ZNF236: variants seen among roughly 807,000 people sequenced by gnomAD.
The protein encoded by ZNF236 is zinc finger protein 236, also known as regulated by glucose.
Under a neutral mutation model 191.2 loss-of-function variants are expected in ZNF236, and 50 were observed. The observed-to-expected ratio is 0.26, with a 90% confidence interval of 0.21 to 0.33. The LOEUF is 0.33. ZNF236 is among the 10% of genes least tolerant of loss of function. The pLI is 1.00. For synonymous variants in ZNF236, 907 were observed against 928.8 expected (o/e 0.98, Z 0.43); for missense variants, 1,754 against 2,374.5 (o/e 0.74, Z 5.43).
chr18:76,907,640 T>G (rs1027716002), intron 13 of ZNF236, among the ~76,000 whole-genome samples: 5 of 152,094 alleles, frequency 3.3e-5, no homozygotes, highest in African/African-American at 1.2e-4. Flanking sequence ...CTCTTTGTCT[T>G]AGATATTCTT....
chr18:76,824,555 A>G, intron 1 of ZNF236: 1 of 718,414 alleles, frequency 1.4e-6, no homozygotes, highest in South Asian at 1.5e-5. Context: ...TTTTGTTAGT[A>G]TGCCATCTGC....
At chr18:76,888,973 C>T (rs182157032) in intron 9 of ZNF236, among the ~76,000 whole-genome samples, 16 of 152,300 alleles carry the variant, frequency 1.1e-4, no homozygotes, top group Admixed American at 9.8e-4. Flanking sequence ...GAAGAGAACA[C>T]GTCTAGGCTT....
At position 76,877,476 on chromosome 18, in the gene ZNF236, C is replaced by T. The variant is rs147627565; in HGVS notation, c.841-533C>T. Among the ~76,000 whole-genome samples, 1,199 of 151,218 alleles carry T rather than the reference C, an allele frequency of 7.9e-3. 12 individuals carry two copies. The highest frequency in any genetic ancestry group is 0.027 in the African/African-American group (1,121 of 41,184). ...GAGCCGAGATCACGCTGTTGCACTC[C>T]AGCCTGGGCAACAGAGCATCTCAAA... On this transcript the variant is annotated intron_variant, in intron 6 of 30. Coordinates refer to ENST00000320610, the MANE Select transcript of ZNF236 (RefSeq NM_001306089.2).
rs867263351 is a variant in ZNF236, at chr18:76,898,953, G to A, written c.1691-66G>A. 7 of 1,335,006 alleles carry A rather than the reference G, an allele frequency of 5.2e-6. No individual in the cohort carries two copies. In the Middle Eastern group the frequency reaches 9.4e-4, roughly 179 times the overall value. The allele number at this position is 1,335,006 out of a possible 1,614,324, so 82.7% of individuals were successfully genotyped here. A position where few individuals can be genotyped will look rare whatever the true frequency, so the allele number is the denominator to read the frequency against. ...AGTATTGGAAATAATAACATTTTAT[G>A]TTAGCATTTGCTGTTGAGATGTAAT... is the stretch of plus-strand genomic sequence containing the variant. On this transcript the variant is annotated intron_variant, in intron 10 of 30. Coordinates refer to ENST00000320610, the MANE Select transcript of ZNF236 (RefSeq NM_001306089.2).
At position 76,868,696 on chromosome 18, in the gene ZNF236, T is replaced by C. The variant is rs747140051; in HGVS notation, c.375T>C (p.Cys125=). The C allele has an allele frequency of 6.2e-7, 1 of 1,610,294 alleles. No individual in the cohort carries two copies. ...GTTTTCTCTTCCAGAATCTCATCTG[T>C]TCTGAGTGTGGGGATGAGTTTACTC... ...MLHEKEENLI[C]SECGDEFTLQ... The change falls in exon 4 of 31, where the codon TGT becomes TGC. Residue 125 remains cysteine, a synonymous_variant. Coordinates refer to ENST00000320610, the MANE Select transcript of ZNF236 (RefSeq NM_001306089.2).
chr18:76,953,800 C>T (rs7241370), intron 27 of ZNF236, among the ~76,000 whole-genome samples: 18,212 of 152,146 alleles, frequency 0.12, 2,256 homozygotes, highest in African/African-American at 0.32. Flanking sequence ...CTGCCAGTGC[C>T]GGCCGCTGGA....
intron 1 of ZNF236, chr18:76,849,156 C>T (rs985361125): frequency 6.2e-5 from 10 of 162,406 alleles, no homozygotes; most frequent in Non-Finnish European, 1.2e-4. Context: ...AGGTGAAATG[C>T]GTCAGTGGTT....
At chr18:76,949,045 T>C (rs1472122134) in intron 27 of ZNF236, among the ~76,000 whole-genome samples, 2 of 152,152 alleles carry the variant, frequency 1.3e-5, no homozygotes, top group African/African-American at 2.4e-5. Context: ...TCAGGCCTGG[T>C]GAGGTAACTG....
intron 27 of ZNF236, 41 bp from the exon 28 acceptor site, chr18:76,955,944 A>G (rs1416083892): frequency 6.3e-7 from 1 of 1,580,700 alleles, no homozygotes; most frequent in Non-Finnish European, 8.6e-7. Context: ...GCACAAATCA[A>G]GCCAAGTGAG....
At chr18:76,936,151 C>T (rs1436951537) in intron 25 of ZNF236, 3 of 451,460 alleles carry the variant, frequency 6.6e-6, no homozygotes, top group Non-Finnish European at 1.3e-5. Context: ...CTGACAGGCG[C>T]GTGTTTCTTT....
rs549914540 is a variant in ZNF236 at position 76,868,170 on chromosome 18, G to A, written c.364-515G>A. ...GCTTCAGAGGGTCCCTGGTTCACAC[G>A]CTCAGTCAGCCGGGCCACAGCCTGC... On this transcript the variant is annotated intron_variant, in intron 3 of 30. Coordinates refer to ENST00000320610, the MANE Select transcript of ZNF236 (RefSeq NM_001306089.2). Among the ~76,000 whole-genome samples the A allele has an allele frequency of 2.6e-5, 4 of 152,218 alleles. No homozygotes were observed. In the East Asian group the frequency reaches 5.8e-4, roughly 22 times the overall value.
At chr18:76,956,460 G>A (rs971817002) in intron 28 of ZNF236, among the ~76,000 whole-genome samples, 2 of 152,318 alleles carry the variant, frequency 1.3e-5, no homozygotes, top group Admixed American at 6.5e-5. Flanking sequence ...TGGCAAAAAT[G>A]TAAAAGTCTG....
intron 3 of ZNF236, among the ~76,000 whole-genome samples, chr18:76,859,258 G>GCAGGTGGAGGAGGAAGGGGGAGAGGACT: frequency 6.6e-6 from 1 of 150,984 alleles, no homozygotes; most frequent in Non-Finnish European, 1.5e-5. Flanking sequence ...GGAGGCGGGT[G>GCAGGTGGAGGAGGAAGGGGGAGAGGACT]CAGGTGGAGG....
Position 76,881,453 on chromosome 18 carries a change from C to T in ZNF236, c.1358C>T (p.Pro453Leu), listed in dbSNP as rs748054111. 105 of 1,613,278 alleles carry T rather than the reference C, an allele frequency of 6.5e-5. No individual in the cohort carries two copies. The highest frequency in any genetic ancestry group is 1.6e-4 in the Middle Eastern group (1 of 6,082). The change falls in exon 9 of 31, where the codon CCG (proline) becomes CTG (leucine). Residue 453 changes from proline to leucine, a missense_variant. Physicochemically the swap from Pro to Leu is moderately conservative, Grantham distance 98. This residue lies in a region of ZNF236 where 126 missense variants were observed against 110.9 expected (regional missense o/e 1.14). Transcript: ENST00000320610. ...DAEQEKEQES[P>L]EKLDKKEKKM... ...GAGCAAGAAAAAGAACAGGAAAGCC[C>T]GGAGAAACTGGATAAAAAAGAAAAA... is the stretch of plus-strand genomic sequence containing the variant.
intron 1 of ZNF236, among the ~76,000 whole-genome samples, chr18:76,824,640 A>G (rs1441580097): frequency 6.6e-6 from 1 of 152,178 alleles, no homozygotes; most frequent in Non-Finnish European, 1.5e-5. Context: ...TAAAATTTCC[A>G]CGGCCACAGG....
At chr18:76,826,854 C>T (rs2122367722) in intron 1 of ZNF236, among the ~76,000 whole-genome samples, 1 of 151,370 alleles carries the variant, frequency 6.6e-6, no homozygotes, top group African/African-American at 2.4e-5. Context: ...ATATAAAACC[C>T]TTCATGTACA....
chr18:76,938,306 GGTGAGCCTGGGAAGTCGATGCTGCA>G (rs1329480128), intron 26 of ZNF236, among the ~76,000 whole-genome samples: 2 of 152,062 alleles, frequency 1.3e-5, no homozygotes, highest in Non-Finnish European at 2.9e-5. Flanking sequence ...GGGAGGATTG[GGTGAGCCTGGGAAGTCGATGCTGCA>G]GTGAGCCATG....
chr18:76,927,337 A>G lies in ZNF236; in HGVS notation c.4234A>G (p.Thr1412Ala), dbSNP rs370560873. ...GGGCAACCTATTGGCTCAGCAGCTC[A>G]CGGGGGAGCCTGGCCTGGCCCCACA... is the stretch of plus-strand genomic sequence containing the variant. ...QQGNLLAQQL[T>A]GEPGLAPQNS... The change falls in exon 24 of 31, where the codon ACG becomes GCG. Residue 1412 changes from threonine to alanine, a missense_variant. This residue lies in a region of ZNF236 where 606 missense variants were observed against 761.5 expected (regional missense o/e 0.80). Transcript: ENST00000320610. This position sits in a 1 kb window ranked among gnomAD's most constrained non-coding sequence, Gnocchi z 5.4. 5.0e-6 allele frequency: 8 copies of G among 1,614,024 alleles called. No individual in the cohort carries two copies. The African/African-American group carries it at 1.1e-4, about 22-fold the overall frequency.
At chr18:76,897,076 G>C (rs1022031536) in intron 10 of ZNF236, among the ~76,000 whole-genome samples, 1 of 148,350 alleles carries the variant, frequency 6.7e-6, no homozygotes, top group African/African-American at 2.5e-5. Context: ...TGGTGCTGCA[G>C]ACAGGTACTG....
Sources: allele counts gnomAD v4.1 joint callset (sites outside exome capture counted in the v4.1 genomes callset), GRCh38; gene constraint gnomAD v4.1.1; regional missense constraint gnomAD v4.1.1; non-coding constraint Gnocchi (gnomAD v3.1); transcripts MANE v1.5; gene names NCBI Gene and HGNC (gene_info 2026-07-23, HGNC 2026-07-21).